The following CHRM3 variants were observed in gnomAD, a reference collection of about 807,000 sequenced individuals.
CHRM3 encodes the protein cholinergic receptor muscarinic 3.
In CHRM3, 11 loss-of-function variants were observed where a neutral mutation model predicts 41.8. The ratio of observed to expected loss-of-function variants is 0.26; its 90% CI spans 0.17 to 0.44. The LOEUF is 0.44. CHRM3 is among the 20% of genes least tolerant of loss of function. CHRM3 has a pLI of 1.00. For missense variants in CHRM3, 571 were observed against 745.4 expected (o/e 0.77, Z 2.72); for synonymous variants, 297 against 301.4 (o/e 0.99, Z 0.15).
intron 3 of CHRM3, among the ~76,000 whole-genome samples, chr1:239,575,225 CTACG>C (rs1662220508): frequency 6.6e-6 from 1 of 152,052 alleles, no homozygotes; most frequent in South Asian, 2.1e-4. Context: ...ATAAGAACCT[CTACG>C]TATTAGCACC....
chr1:239,874,285 G>GTATATATATATATATATATATATA (rs758413973), intron 6 of CHRM3, among the ~76,000 whole-genome samples: 1 of 83,296 alleles, frequency 1.2e-5, no homozygotes, highest in Non-Finnish European at 2.1e-5. Context: ...TATATACACA[G>GTATATATATATATATATATATATA]TATATATATA....
chr1:239,527,460 T>C (rs1271438410), intron 2 of CHRM3, among the ~76,000 whole-genome samples: 2 of 152,210 alleles, frequency 1.3e-5, no homozygotes, highest in East Asian at 3.8e-4. Flanking sequence ...TACCTACCTT[T>C]CCTCAAGCAC....
chr1:239,479,496 T>C (rs144625976), intron 1 of CHRM3, among the ~76,000 whole-genome samples: 1 of 152,172 alleles, frequency 6.6e-6, no homozygotes, highest in Non-Finnish European at 1.5e-5. Flanking sequence ...AAATAATACA[T>C]GGGAAAAGTA....
At chr1:239,482,759 A>G (rs1244265547) in intron 1 of CHRM3, among the ~76,000 whole-genome samples, 1 of 152,168 alleles carries the variant, frequency 6.6e-6, no homozygotes, top group Non-Finnish European at 1.5e-5. Flanking sequence ...ATATTTATCC[A>G]TTATGGCCGG....
At chr1:239,701,256 G>A (rs934261853) in intron 5 of CHRM3, among the ~76,000 whole-genome samples, 1 of 152,104 alleles carries the variant, frequency 6.6e-6, no homozygotes, top group Admixed American at 6.5e-5. Flanking sequence ...AGGACTTTTT[G>A]GTCCTCGTTC....
intron 1 of CHRM3, among the ~76,000 whole-genome samples, chr1:239,448,217 T>G (rs1664293689): frequency 6.6e-6 from 1 of 152,238 alleles, no homozygotes; most frequent in East Asian, 1.9e-4. Context: ...ACATTAATAG[T>G]AAGCAACATA....
chr1:239,894,731 C>A (rs1481848316), intron 6 of CHRM3, among the ~76,000 whole-genome samples: 1 of 152,142 alleles, frequency 6.6e-6, no homozygotes, highest in African/African-American at 2.4e-5. Context: ...CCGCGCCCGA[C>A]CGAGAAGTCT....
At chr1:239,674,107 A>G (rs1316909810) in intron 4 of CHRM3, among the ~76,000 whole-genome samples, 2 of 152,296 alleles carry the variant, frequency 1.3e-5, no homozygotes, top group Non-Finnish European at 2.9e-5. Flanking sequence ...AGCATTTCAG[A>G]TAAAGAACAC....
chr1:239,603,845 T>G (rs10925924), intron 3 of CHRM3, among the ~76,000 whole-genome samples: 100,112 of 151,928 alleles, frequency 0.66, 38,929 homozygotes, highest in East Asian at 0.84. Flanking sequence ...TGGTAAAGAT[T>G]ATTACTATAA....
chr1:239,507,163 T>C (rs1438627238), intron 2 of CHRM3, among the ~76,000 whole-genome samples: 1 of 152,170 alleles, frequency 6.6e-6, no homozygotes, highest in Non-Finnish European at 1.5e-5. Flanking sequence ...TCAGAAGGCA[T>C]GATTGGTTTC....
chr1:239,542,965 A>G (rs1658922100), intron 2 of CHRM3, among the ~76,000 whole-genome samples: 1 of 152,086 alleles, frequency 6.6e-6, no homozygotes, highest in Non-Finnish European at 1.5e-5. Flanking sequence ...CATTTTTACC[A>G]TTTATGCATC....
At chr1:239,857,768 C>A (rs993458951) in intron 6 of CHRM3, among the ~76,000 whole-genome samples, 1 of 152,048 alleles carries the variant, frequency 6.6e-6, no homozygotes, top group South Asian at 2.1e-4. Context: ...TGAAAGCCAG[C>A]CTTTCTAGTT....
At chr1:239,506,319 C>T (rs566481361) in intron 2 of CHRM3, among the ~76,000 whole-genome samples, 3 of 152,172 alleles carry the variant, frequency 2.0e-5, no homozygotes, top group Admixed American at 6.5e-5. Context: ...TTTCATGGGC[C>T]GGGCCTGCTC....
In CHRM3 at chr1:239,564,274, G is replaced by A. The variant is rs114977071; in HGVS notation, c.-313+18525G>A. 6.0e-3 allele frequency among the ~76,000 whole-genome samples: 910 copies of A among 152,206 alleles called. 15 individuals carry two copies. Among genetic ancestry groups the A allele is most frequent in the African/African-American group, 0.021 (872 of 41,546 alleles). On this transcript the variant is annotated intron_variant, in intron 3 of 6. Transcript: ENST00000676153. Reference sequence around the variant, plus strand: ...AACATATATTACATTTTGTAAAACTGCATTTAATTCTTCCAAATAAGGAAA... The same window carrying A: ...AACATATATTACATTTTGTAAAACTACATTTAATTCTTCCAAATAAGGAAA...
intron 5 of CHRM3, among the ~76,000 whole-genome samples, chr1:239,728,901 G>GT (rs1270841590): frequency 2.0e-5 from 3 of 151,948 alleles, no homozygotes; most frequent in Admixed American, 1.3e-4. Context: ...TGCCCATCGT[G>GT]TTTAAAGCAT....
At chr1:239,548,389 G>A (rs535507008) in intron 3 of CHRM3, among the ~76,000 whole-genome samples, 4 of 152,210 alleles carry the variant, frequency 2.6e-5, no homozygotes, top group East Asian at 1.9e-4. Context: ...CAATGACAGC[G>A]TTTGGTTTGT....
At chr1:239,656,646 A>C (rs1417624373) in intron 4 of CHRM3, among the ~76,000 whole-genome samples, 1 of 152,140 alleles carries the variant, frequency 6.6e-6, no homozygotes, top group African/African-American at 2.4e-5. Flanking sequence ...ATCTTAAAAA[A>C]TAAAATAAAA....
intron 5 of CHRM3, among the ~76,000 whole-genome samples, chr1:239,725,884 C>G (rs1053732001): frequency 2.0e-5 from 3 of 151,868 alleles, no homozygotes; most frequent in African/African-American, 7.2e-5. Context: ...GATGTACAGA[C>G]TTTTCTTAAA....
chr1:239,471,637 T>A lies in CHRM3; in HGVS notation c.-520-21072T>A, dbSNP rs1422088929. ...GGAAAGCATCTTCAAGATTTCCCCC[T>A]TCTCTCCTCTCCCACTGAGGAGGTC... On this transcript the variant is annotated intron_variant, in intron 1 of 6. Coordinates refer to ENST00000676153, the MANE Select transcript of CHRM3 (RefSeq NM_001375978.1). 3.3e-5 allele frequency among the ~76,000 whole-genome samples: 5 copies of A among 152,252 alleles called. No homozygotes were observed. In the East Asian group the frequency reaches 9.7e-4, roughly 29 times the overall value.
Sources: gnomAD v4.1 joint callset for allele counts (sites outside exome capture counted in the v4.1 genomes callset) on GRCh38, gnomAD v4.1.1 for gene constraint, MANE v1.5 for transcripts, NCBI Gene and HGNC (gene_info 2026-07-23, HGNC 2026-07-21) for gene names.